The following KIAA1549L variants were observed in gnomAD, a reference collection of about 807,000 sequenced individuals.
The protein encoded by KIAA1549L is UPF0606 protein KIAA1549L.
A neutral mutation model predicts 160.7 loss-of-function variants in KIAA1549L; 88 were observed. The ratio of observed to expected loss-of-function variants is 0.55; its 90% CI spans 0.46 to 0.65. The LOEUF is 0.65. Ranked by LOEUF, KIAA1549L falls within the 30% of genes least tolerant of loss-of-function variation. KIAA1549L has a pLI of 0.00. For synonymous variants in KIAA1549L, 950 were observed against 976.7 expected (o/e 0.97, Z 0.51); for missense variants, 2,258 against 2,437.5 (o/e 0.93, Z 1.55).
intron 9 of KIAA1549L, among the ~76,000 whole-genome samples, chr11:33,568,776 C>T (rs1855143715): frequency 6.6e-6 from 1 of 152,198 alleles, no homozygotes; most frequent in South Asian, 2.1e-4. Flanking sequence ...AGCCCACATC[C>T]CCTTACCATT....
intron 10 of KIAA1549L, among the ~76,000 whole-genome samples, chr11:33,582,700 T>C (rs1031277045): frequency 6.6e-6 from 1 of 152,170 alleles, no homozygotes; most frequent in Non-Finnish European, 1.5e-5. Context: ...CCCCTTGCCC[T>C]GAGACACCTA....
chr11:33,617,787 C>T (rs1277934522), intron 15 of KIAA1549L, among the ~76,000 whole-genome samples: 15 of 116,932 alleles, frequency 1.3e-4, no homozygotes, highest in South Asian at 1.0e-3. Flanking sequence ...ATGGAAGCCT[C>T]GGTGGATGGA....
At chr11:33,441,379 A>G (rs1221854474) in intron 1 of KIAA1549L, among the ~76,000 whole-genome samples, 3 of 151,842 alleles carry the variant, frequency 2.0e-5, no homozygotes, top group Non-Finnish European at 4.4e-5. Context: ...CGCAATAAAC[A>G]TATGTGTGCA....
chr11:33,645,787 A>G lies in KIAA1549L; in HGVS notation c.5511A>G (p.Thr1837=), dbSNP rs1033543. The G allele has an allele frequency of 0.64, 1,026,410 of 1,613,580 alleles. 329,876 individuals are homozygous for G. The highest frequency in any genetic ancestry group is 0.88 in the African/African-American group (66,116 of 74,976). The change falls in exon 17 of 21, where the codon ACA becomes ACG. Residue 1837 remains threonine (T), a synonymous_variant. Coordinates refer to ENST00000658780, the MANE Select transcript of KIAA1549L (RefSeq NM_012194.3). ...TGAAAGGCCACTCGGAGACCTCCAC[A>G]CTGAGCTCCCAGCCATCCATCGACG... ...RQVKGHSETS[T]LSSQPSIDEV...
intron 15 of KIAA1549L, among the ~76,000 whole-genome samples, chr11:33,611,604 G>A (rs1850651261): frequency 6.6e-6 from 1 of 152,150 alleles, no homozygotes; most frequent in African/African-American, 2.4e-5. Flanking sequence ...AAAGAAAAAA[G>A]TTGGGGAGTT....
intron 1 of KIAA1549L, among the ~76,000 whole-genome samples, chr11:33,429,697 C>G (rs566271398): frequency 3.3e-5 from 5 of 152,298 alleles, no homozygotes; most frequent in East Asian, 1.9e-4. Context: ...CTTTGTATCT[C>G]TTCTACCCTG....
At chr11:33,484,302 C>T (rs1447751764) in intron 1 of KIAA1549L, among the ~76,000 whole-genome samples, 1 of 152,194 alleles carries the variant, frequency 6.6e-6, no homozygotes, top group Non-Finnish European at 1.5e-5. Flanking sequence ...TGTCTTAAAT[C>T]ACTGCTCTTT....
chr11:33,429,153 G>A (rs967204950), intron 1 of KIAA1549L, among the ~76,000 whole-genome samples: 7 of 152,188 alleles, frequency 4.6e-5, no homozygotes, highest in Admixed American at 3.3e-4. Flanking sequence ...TGTATTTTTG[G>A]TAGAGATGGG....
In KIAA1549L at chr11:33,543,317, C is replaced by G; in HGVS notation, c.1754C>G (p.Pro585Arg). The change falls in exon 2 of 21, where the codon CCA (proline) becomes CGA (arginine). Residue 585 changes from proline (P) to arginine (R), a missense_variant. Pro to Arg is a moderately radical substitution (Grantham distance 103). Coordinates refer to ENST00000658780, the MANE Select transcript of KIAA1549L (RefSeq NM_012194.3). ...ANVTIPLQAFPRKEVLSLHTV... is the reference protein window; with the variant it reads ...ANVTIPLQAFRRKEVLSLHTV... ...GTGACGATTCCTCTCCAGGCCTTTC[C>G]AAGGAAAGAGGTTTTGAGTCTTCAC... 6.2e-7 allele frequency: 1 copy of G among 1,614,036 alleles called. No individual in the cohort carries two copies. The highest frequency in any genetic ancestry group is 8.5e-7 in the Non-Finnish European group (1 of 1,179,896).
intron 1 of KIAA1549L, among the ~76,000 whole-genome samples, chr11:33,406,596 C>T (rs1367063249): frequency 6.6e-6 from 1 of 152,212 alleles, no homozygotes; most frequent in Non-Finnish European, 1.5e-5. Flanking sequence ...GCAAAGCTCC[C>T]CAGAGTTGGC....
intron 3 of KIAA1549L, among the ~76,000 whole-genome samples, chr11:33,546,466 T>A (rs1465547664): frequency 1.3e-5 from 2 of 152,064 alleles, no homozygotes; most frequent in Non-Finnish European, 2.9e-5. Flanking sequence ...CAATCACCAG[T>A]TCCTTTCACT....
chr11:33,540,298 C>T (rs1853987496), intron 1 of KIAA1549L, among the ~76,000 whole-genome samples: 1 of 152,204 alleles, frequency 6.6e-6, no homozygotes, highest in Admixed American at 6.5e-5. Context: ...AAGTTGGACT[C>T]ATGGTTGAAT....
intron 1 of KIAA1549L, among the ~76,000 whole-genome samples, chr11:33,409,574 A>G (rs533692851): frequency 1.2e-3 from 188 of 152,338 alleles, no homozygotes; most frequent in Non-Finnish European, 1.6e-3. Context: ...TAAGAAGGTG[A>G]CAGGAAATCA....
chr11:33,618,323 A>G (rs766454630), intron 15 of KIAA1549L, among the ~76,000 whole-genome samples: 2 of 152,084 alleles, frequency 1.3e-5, no homozygotes, highest in African/African-American at 2.4e-5. Flanking sequence ...ACACTTAACA[A>G]TTCAGCCAAA....
intron 1 of KIAA1549L, among the ~76,000 whole-genome samples, chr11:33,434,531 T>A (rs1851317423): frequency 6.6e-6 from 1 of 152,134 alleles, no homozygotes; most frequent in South Asian, 2.1e-4. Context: ...ATCTGCTGGG[T>A]CATATGGCCC....
At chr11:33,601,638 G>T (rs11032314) in intron 13 of KIAA1549L, among the ~76,000 whole-genome samples, 19,987 of 152,194 alleles carry the variant, frequency 0.13, 4,217 homozygotes, top group African/African-American at 0.45. Flanking sequence ...TTGTCTTATG[G>T]CTTAGTATCT....
In KIAA1549L at chr11:33,629,145, C is replaced by T. The variant is rs556717970; in HGVS notation, c.5409+10483C>T. Reference sequence around the variant, plus strand: ...CTCTTCTGGCTTGTAGAGTTTCTGCCGAGAGATCCGCTGTTAGTCTGATGG... The same window carrying T: ...CTCTTCTGGCTTGTAGAGTTTCTGCTGAGAGATCCGCTGTTAGTCTGATGG... On this transcript the variant is annotated intron_variant, in intron 16 of 20. Transcript: ENST00000658780. Among the ~76,000 whole-genome samples the T allele has an allele frequency of 6.9e-4, 105 of 152,242 alleles. 2 individuals are homozygous for T. Among genetic ancestry groups the T allele is most frequent in the Non-Finnish European group, 1.1e-3 (78 of 68,036 alleles).
intron 19 of KIAA1549L, 79 bp from the exon 20 acceptor site, chr11:33,660,782 CTG>C: frequency 7.0e-7 from 1 of 1,420,578 alleles, no homozygotes; most frequent in Non-Finnish European, 9.7e-7. Context: ...GCCAATGAAA[CTG>C]ACTTTATTTG....
rs569307234 is a variant in KIAA1549L, at chr11:33,526,509, A to T, written c.239-15293A>T. On this transcript the variant is annotated intron_variant, in intron 1 of 20. Coordinates refer to ENST00000658780, the MANE Select transcript of KIAA1549L (RefSeq NM_012194.3). ...GATCACATCACAGGACTCTTTGCAGACATTCCCCAGCACCAGCCTGGAGTC... is the reference window on the plus strand; with the variant it reads ...GATCACATCACAGGACTCTTTGCAGTCATTCCCCAGCACCAGCCTGGAGTC... Among the ~76,000 whole-genome samples the T allele has an allele frequency of 9.8e-5, 15 of 152,316 alleles. 1 individual carries two copies. In the South Asian group the frequency reaches 2.7e-3, roughly 27 times the overall value.
Sources: allele counts gnomAD v4.1 joint callset (sites outside exome capture counted in the v4.1 genomes callset), GRCh38; gene constraint gnomAD v4.1.1; transcripts MANE v1.5; gene names NCBI Gene and HGNC (gene_info 2026-07-23, HGNC 2026-07-21).